Variants in DOLPP1 observed in about 807,000 individuals in gnomAD.
DOLPP1 encodes the protein dolichyl pyrophosphate phosphatase 1.
In DOLPP1, 15 loss-of-function variants were observed where a neutral mutation model predicts 34.1. The observed-to-expected ratio is 0.44, with a 90% CI of 0.29 to 0.68. DOLPP1 has a LOEUF of 0.68. Ranked by LOEUF, DOLPP1 falls within the 30% of genes least tolerant of loss-of-function variation. The pLI is 0.12. For missense variants in DOLPP1, 249 were observed against 307.1 expected (o/e 0.81, Z 1.41); for synonymous variants, 130 against 128.2 (o/e 1.01, Z -0.10).
chr9:129,088,296 C>T (rs1221858790), intron 7 of DOLPP1, among the ~76,000 whole-genome samples: 1 of 152,030 alleles, frequency 6.6e-6, no homozygotes. Context: ...GGGGCTGGAG[C>T]CCAGGGAGCA....
chr9:129,085,626 A>T lies in DOLPP1; in HGVS notation c.461+10A>T. Reference sequence around the variant, plus strand: ...TAGTCTCCTACAGCAGGTATGGAGGAGGGAGAGCCCCTGCCTGCACCCTGC... The same window carrying T: ...TAGTCTCCTACAGCAGGTATGGAGGTGGGAGAGCCCCTGCCTGCACCCTGC... On this transcript the variant is annotated intron_variant, in intron 5 of 7. Coordinates refer to ENST00000372546, the MANE Select transcript of DOLPP1 (RefSeq NM_020438.5). This position sits in a 1 kb window ranked among gnomAD's most constrained non-coding sequence, Gnocchi z 7.0. 1.2e-6 allele frequency: 2 copies of T among 1,605,258 alleles called. No individual in the cohort carries two copies. Among genetic ancestry groups the T allele is most frequent in the Non-Finnish European group, 1.7e-6 (2 of 1,174,584 alleles).
At chr9:129,087,377 G>A (rs1337428858) in intron 7 of DOLPP1, among the ~76,000 whole-genome samples, 2 of 150,006 alleles carry the variant, frequency 1.3e-5, no homozygotes, top group South Asian at 4.2e-4. Flanking sequence ...GTGCAGTGGC[G>A]CGATCTCGGC....
chr9:129,081,885 G>T (rs1329611149), intron 1 of DOLPP1, among the ~76,000 whole-genome samples: 1 of 152,224 alleles, frequency 6.6e-6, no homozygotes, highest in Admixed American at 6.5e-5. Context: ...GCCTGGGCGT[G>T]GGGGTCAGAC....
At chr9:129,087,891 G>A (rs1001736422) in intron 7 of DOLPP1, among the ~76,000 whole-genome samples, 2 of 150,934 alleles carry the variant, frequency 1.3e-5, no homozygotes, top group Non-Finnish European at 3.0e-5. Context: ...TCACTGGCCT[G>A]CCCCGCCTCA....
rs1290769816 is a variant in DOLPP1, at chr9:129,090,318, CTCCCG to C, written c.*1313_*1317del. 2 of 152,618 alleles carry C rather than the reference CTCCCG, an allele frequency of 1.3e-5. No individual in the cohort carries two copies. The highest frequency in any genetic ancestry group is 4.8e-5 in the African/African-American group (2 of 41,442). The allele number at this position is 152,618 out of a possible 1,614,324, so 9.5% of individuals were successfully genotyped here. ...AAGGTAGGTCGGTTTCCATGTTTCC[CTCCCG>C]TTATTTTTATTTTTTACTTTTTGCC... is the stretch of plus-strand genomic sequence containing the variant. On this transcript the variant is annotated 3_prime_UTR_variant, in exon 8 of 8. Transcript: ENST00000372546.
intron 2 of DOLPP1, 115 bp downstream of exon 2, chr9:129,084,883 A>AG (rs1469851753): frequency 8.8e-7 from 1 of 1,139,764 alleles, no homozygotes; most frequent in Non-Finnish European, 1.2e-6. Flanking sequence ...ACCTGTCTTG[A>AG]GGTGCGTGGA....
intron 7 of DOLPP1, 98 bp downstream of exon 7, chr9:129,086,896 A>G: frequency 3.0e-6 from 3 of 1,002,160 alleles, no homozygotes; most frequent in South Asian, 2.6e-5. Context: ...CTGCCTAAGC[A>G]CTTCTCTTGC....
intron 1 of DOLPP1, among the ~76,000 whole-genome samples, chr9:129,083,392 A>G (rs1846926657): frequency 6.6e-6 from 1 of 152,164 alleles, no homozygotes; most frequent in Non-Finnish European, 1.5e-5. Flanking sequence ...GGACTCACCC[A>G]CTGTCACCCA....
In DOLPP1 at chr9:129,085,403, G is replaced by A; in HGVS notation, c.362+97G>A. 6.6e-7 allele frequency: 1 copy of A among 1,516,416 alleles called. No individual in the cohort carries two copies. The highest frequency in any genetic ancestry group is 1.4e-5 in the African/African-American group (1 of 73,096). 93.9% of individuals were successfully genotyped at this position (1,516,416 alleles called of 1,614,324 possible). On this transcript the variant is annotated intron_variant, in intron 4 of 7. Coordinates refer to ENST00000372546, the MANE Select transcript of DOLPP1 (RefSeq NM_020438.5). This position sits in a 1 kb window ranked among gnomAD's most constrained non-coding sequence, Gnocchi z 7.0. ...CCCTTTGGATGCCCCTGGGGTGGGAGGGGCTGCAGCGGAGGCAGAAGGTAC... is the reference window on the plus strand; with the variant it reads ...CCCTTTGGATGCCCCTGGGGTGGGAAGGGCTGCAGCGGAGGCAGAAGGTAC...
At position 129,089,288 on chromosome 9, in the gene DOLPP1, G is replaced by T; in HGVS notation, c.*281G>T. 1 of 382,520 alleles carries T rather than the reference G, an allele frequency of 2.6e-6. No individual in the cohort carries two copies. The highest frequency in any genetic ancestry group is 4.8e-6 in the Non-Finnish European group (1 of 206,398). 23.7% of individuals were successfully genotyped at this position (382,520 alleles called of 1,614,324 possible). ...GCTGGGCAGAAAGTGCCCTCGGCAT[G>T]GGCACCTGGGTGTGGGGTGGAGGAG... On this transcript the variant is annotated 3_prime_UTR_variant, in exon 8 of 8. Transcript: ENST00000372546. This position sits in a 1 kb window ranked among gnomAD's most constrained non-coding sequence, Gnocchi z 4.9.
Position 129,084,695 on chromosome 9 carries a change from A to C in DOLPP1, c.104A>C (p.Tyr35Ser). 1 of 1,613,634 alleles carries C rather than the reference A, an allele frequency of 6.2e-7. No homozygotes were observed. Among genetic ancestry groups the C allele is most frequent in the Non-Finnish European group, 8.5e-7 (1 of 1,179,620 alleles). The part of the protein sequence containing the change: ...AGDLSGHLLA[Y>S]LSLSPVFVIV... ...GATCTCTCTGGCCACCTCCTTGCCT[A>C]CCTGAGCCTCAGCCCTGTATTTGTC... The change falls in exon 2 of 8, where the codon TAC (tyrosine) becomes TCC (serine). Residue 35 changes from tyrosine to serine, a missense_variant. Physicochemically the swap from Tyr to Ser is moderately radical, Grantham distance 144. Coordinates refer to ENST00000372546, the MANE Select transcript of DOLPP1 (RefSeq NM_020438.5).
Position 129,086,136 on chromosome 9 carries a change from C to T in DOLPP1, c.462-3C>T. On this transcript the variant is annotated splice_region_variant and splice_polypyrimidine_tract_variant and intron_variant, in intron 5 of 7. Transcript: ENST00000372546. ...ACATACTTCGCTTCTGGCCTTGGCC[C>T]AGGGTCTACCTGCTGTACCACACCT... 1.2e-6 allele frequency: 2 copies of T among 1,612,990 alleles called. No homozygotes were observed. The highest frequency in any genetic ancestry group is 1.7e-6 in the Non-Finnish European group (2 of 1,179,692).
At chr9:129,087,895 C>T (rs1452471827) in intron 7 of DOLPP1, among the ~76,000 whole-genome samples, 2 of 151,604 alleles carry the variant, frequency 1.3e-5, no homozygotes, top group South Asian at 2.1e-4. Context: ...TGGCCTGCCC[C>T]GCCTCACCCT....
chr9:129,088,915 C>T, intron 7 of DOLPP1, 56 bp from the exon 8 acceptor site: 3 of 1,586,848 alleles, frequency 1.9e-6, no homozygotes, highest in South Asian at 2.2e-5. Context: ...GTGGGGACAG[C>T]TGTAGGTCAC....
chr9:129,081,214 G>T lies in DOLPP1; in HGVS notation c.76+7G>T. ...CACGTCGAATATCCTGCAGGTAAAAGGCGGTCCCGGCTCCAAGGACGCCTT... is the reference window on the plus strand; with the variant it reads ...CACGTCGAATATCCTGCAGGTAAAATGCGGTCCCGGCTCCAAGGACGCCTT... On this transcript the variant is annotated splice_region_variant and intron_variant, in intron 1 of 7. Coordinates refer to ENST00000372546, the MANE Select transcript of DOLPP1 (RefSeq NM_020438.5). 6.2e-7 allele frequency: 1 copy of T among 1,608,232 alleles called. No individual in the cohort carries two copies.
chr9:129,089,131 T>C lies in DOLPP1; in HGVS notation c.*124T>C. 2 of 935,392 alleles carry C rather than the reference T, an allele frequency of 2.1e-6. No homozygotes were observed. The highest frequency in any genetic ancestry group is 3.1e-5 in the South Asian group (2 of 65,458). 57.9% of individuals were successfully genotyped at this position (935,392 alleles called of 1,614,324 possible). On this transcript the variant is annotated 3_prime_UTR_variant, in exon 8 of 8. Transcript: ENST00000372546. The surrounding 1 kb of genome is among the most constrained non-coding windows in gnomAD (Gnocchi z 4.9). ...GACCCAAGTCACCAAGTGGAGCCTT[T>C]TTTTTTCTTATTTTAATTTTAATGA... is the stretch of plus-strand genomic sequence containing the variant.
chr9:129,086,329 C>T, intron 6 of DOLPP1, 62 bp downstream of exon 6: 1 of 1,590,372 alleles, frequency 6.3e-7, no homozygotes, highest in Non-Finnish European at 8.6e-7. Context: ...GTGGGGCCAT[C>T]AGTGGGCGGA....
Position 129,085,723 on chromosome 9 carries a change from G to A in DOLPP1, c.461+107G>A. ...GGACCCTAGTCCCAGAACCTGTAGT[G>A]CAGGACTGGAAAAGGGGTCCCAGAC... is the stretch of plus-strand genomic sequence containing the variant. On this transcript the variant is annotated intron_variant, in intron 5 of 7. Transcript: ENST00000372546. This position sits in a 1 kb window ranked among gnomAD's most constrained non-coding sequence, Gnocchi z 7.0. 1 of 875,138 alleles carries A rather than the reference G, an allele frequency of 1.1e-6. No homozygotes were observed. The highest frequency in any genetic ancestry group is 1.7e-5 in the African/African-American group (1 of 59,024). The allele number at this position is 875,138 out of a possible 1,614,324, so 54.2% of individuals were successfully genotyped here. A position where few individuals can be genotyped will look rare whatever the true frequency, so the allele number is the denominator to read the frequency against.
At position 129,090,137 on chromosome 9, in the gene DOLPP1, C is replaced by T. The variant is rs944334853; in HGVS notation, c.*1130C>T. 1 of 152,632 alleles carries T rather than the reference C, an allele frequency of 6.6e-6. No homozygotes were observed. The highest frequency in any genetic ancestry group is 1.5e-5 in the Non-Finnish European group (1 of 68,044). 9.5% of individuals were successfully genotyped at this position (152,632 alleles called of 1,614,324 possible). ...AAGTTTTGAGGACTGAACTGGGTCA[C>T]TCGGGATCTGTGTTCGAATCCTCCC... is the stretch of plus-strand genomic sequence containing the variant. On this transcript the variant is annotated 3_prime_UTR_variant, in exon 8 of 8. Transcript: ENST00000372546.
Sources: gnomAD v4.1 joint callset for allele counts (sites outside exome capture counted in the v4.1 genomes callset) on GRCh38, gnomAD v4.1.1 for gene constraint, Gnocchi (gnomAD v3.1) non-coding constraint, MANE v1.5 for transcripts, NCBI Gene and HGNC (gene_info 2026-07-23, HGNC 2026-07-21) for gene names.